Variants in GALNT14 observed in about 807,000 individuals in gnomAD.
The protein encoded by GALNT14 is UDP-GalNAc:polypeptide N-acetylgalactosaminyltransferase 14.
GALNT14 carries 60 observed loss-of-function variants against 77.5 expected under a neutral mutation model. The observed-to-expected ratio is 0.77, with a 90% CI of 0.63 to 0.96. The LOEUF (loss-of-function observed/expected upper bound fraction) is 0.96. GALNT14 is among the 40% of genes least tolerant of loss of function. The pLI, the probability that GALNT14 is intolerant of heterozygous loss-of-function variation, is 0.00. For synonymous variants in GALNT14, 280 were observed against 281.7 expected (o/e 0.99, Z 0.06); for missense variants, 710 against 731.0 (o/e 0.97, Z 0.33).
chr2:31,042,189 A>G (rs1307323146), intron 1 of GALNT14, among the ~76,000 whole-genome samples: 1 of 152,228 alleles, frequency 6.6e-6, no homozygotes, highest in Non-Finnish European at 1.5e-5. Flanking sequence ...GAAAAAAAGC[A>G]TTAATAACAG....
At chr2:30,893,766 C>A in the GALNT14 span, among the ~76,000 whole-genome samples, 14 of 149,212 alleles carry the variant, frequency 9.4e-5, no homozygotes, top group African/African-American at 2.7e-4. Flanking sequence ...ACAACTATTA[C>A]CTTGATTAAA....
At chr2:31,025,627 C>G (rs2194455) in intron 1 of GALNT14, among the ~76,000 whole-genome samples, 49,911 of 152,006 alleles carry the variant, frequency 0.33, 8,355 homozygotes, top group Admixed American at 0.45. Flanking sequence ...GAGCTCTAAG[C>G]TGGGTGAGGA....
chr2:31,035,742 G>T (rs1235230450), intron 1 of GALNT14, among the ~76,000 whole-genome samples: 1 of 151,534 alleles, frequency 6.6e-6, no homozygotes, highest in Non-Finnish European at 1.5e-5. Context: ...ATTATCCTTA[G>T]CAAACTAACA....
downstream of GALNT14, among the ~76,000 whole-genome samples, chr2:30,907,047 C>T (rs998775943): frequency 6.6e-6 from 1 of 152,162 alleles, no homozygotes; most frequent in African/African-American, 2.4e-5. Flanking sequence ...ATCTCTGGGA[C>T]ACATTCAAAG....
chr2:30,934,169 A>G (rs764494972), intron 9 of GALNT14, among the ~76,000 whole-genome samples: 24 of 152,202 alleles, frequency 1.6e-4, no homozygotes, highest in Non-Finnish European at 2.8e-4. Context: ...CGTTTTTCAC[A>G]TGAGTCATTG....
intron 1 of GALNT14, among the ~76,000 whole-genome samples, chr2:31,016,290 C>G (rs555000549): frequency 4.6e-5 from 7 of 152,196 alleles, no homozygotes; most frequent in African/African-American, 1.7e-4. Flanking sequence ...CTAATCTTCC[C>G]TTCTTGTAAG....
chr2:30,990,747 A>G (rs1339676242), intron 2 of GALNT14, among the ~76,000 whole-genome samples: 1 of 152,196 alleles, frequency 6.6e-6, no homozygotes, highest in African/African-American at 2.4e-5. Context: ...ATGCACATTC[A>G]GAGTAAGTTC....
At chr2:31,085,646 AG>A (rs1676391450) in intron 1 of GALNT14, among the ~76,000 whole-genome samples, 1 of 152,202 alleles carries the variant, frequency 6.6e-6, no homozygotes, top group Non-Finnish European at 1.5e-5. Flanking sequence ...CTCCACCCTC[AG>A]GGGCTCATGA....
intron 6 of GALNT14, among the ~76,000 whole-genome samples, chr2:30,949,784 G>A (rs1463706895): frequency 6.6e-6 from 1 of 152,380 alleles, no homozygotes; most frequent in African/African-American, 2.4e-5. Context: ...CAGGTACAAG[G>A]ATGAGTAAGA....
intron 1 of GALNT14, among the ~76,000 whole-genome samples, chr2:31,075,897 C>T (rs1675749597): frequency 6.6e-6 from 1 of 152,204 alleles, no homozygotes; most frequent in African/African-American, 2.4e-5. Flanking sequence ...ACACTACAAA[C>T]AACTCCGACA....
At chr2:30,969,276 C>G (rs1295598622) in intron 2 of GALNT14, among the ~76,000 whole-genome samples, 1 of 152,168 alleles carries the variant, frequency 6.6e-6, no homozygotes, top group African/African-American at 2.4e-5. Flanking sequence ...TGCTGTGGTC[C>G]CTGCTATGGG....
intron 2 of GALNT14, among the ~76,000 whole-genome samples, chr2:30,981,838 G>A (rs184783826): frequency 1.3e-5 from 2 of 152,316 alleles, no homozygotes; most frequent in East Asian, 3.9e-4. Context: ...TTACGTGGGA[G>A]GAAACAGACA....
chr2:30,954,587 C>A (rs1031451409), intron 6 of GALNT14, among the ~76,000 whole-genome samples: 5 of 152,214 alleles, frequency 3.3e-5, no homozygotes, highest in Admixed American at 1.3e-4. Context: ...TGTAAACCCA[C>A]TGAGGTTATC....
chr2:31,089,099 T>C (rs759557461), intron 1 of GALNT14, among the ~76,000 whole-genome samples: 1 of 152,208 alleles, frequency 6.6e-6, no homozygotes, highest in Non-Finnish European at 1.5e-5. Flanking sequence ...TTTCCTTAAA[T>C]GTCTTTCTAA....
chr2:30,970,400 C>T (rs1668275100), intron 2 of GALNT14, among the ~76,000 whole-genome samples: 1 of 152,150 alleles, frequency 6.6e-6, no homozygotes, highest in Admixed American at 6.5e-5. Flanking sequence ...AGGATAAATA[C>T]ACATTTTTGT....
At chr2:31,134,695 C>A (rs865815084) in intron 1 of GALNT14, among the ~76,000 whole-genome samples, 7 of 152,266 alleles carry the variant, frequency 4.6e-5, no homozygotes, top group Middle Eastern at 3.4e-3. Context: ...TTACACAAAC[C>A]CCCTGGGAGC....
intron 9 of GALNT14, among the ~76,000 whole-genome samples, chr2:30,940,675 T>C (rs1205329116): frequency 1.3e-5 from 2 of 152,130 alleles, no homozygotes; most frequent in East Asian, 3.9e-4. Flanking sequence ...GACATAAAAA[T>C]GGGCTCCACC....
At chr2:31,052,270 C>T (rs1292424617) in intron 1 of GALNT14, among the ~76,000 whole-genome samples, 3 of 152,144 alleles carry the variant, frequency 2.0e-5, no homozygotes, top group African/African-American at 4.8e-5. Flanking sequence ...TCCTTGTCTC[C>T]CTGTACTTCT....
intron 2 of GALNT14, among the ~76,000 whole-genome samples, chr2:30,980,283 C>T (rs1573083118): frequency 6.6e-6 from 1 of 152,234 alleles, no homozygotes; most frequent in Admixed American, 6.5e-5. Context: ...GTCTGCCCTG[C>T]CTTCCAGACC....
Sources: allele counts gnomAD v4.1 joint callset (sites outside exome capture counted in the v4.1 genomes callset), GRCh38; gene constraint gnomAD v4.1.1; transcripts MANE v1.5; gene names NCBI Gene and HGNC (gene_info 2026-07-23, HGNC 2026-07-21).